Variants in STPG4 observed in about 807,000 individuals in gnomAD.
STPG4 encodes sperm-tail PG-rich repeat containing 4.
A neutral mutation model predicts 31.5 loss-of-function variants in STPG4; 41 were observed. The ratio of observed to expected loss-of-function variants is 1.30; its 90% CI spans 1.01 to 1.69. STPG4 has a LOEUF of 1.69. STPG4 is among the 40% of genes most tolerant of loss of function. STPG4 has a pLI of 0.00. For missense variants in STPG4, 375 were observed against 293.4 expected, an observed-to-expected ratio of 1.28 and a Z score of -2.03; for synonymous variants, 141 against 103.0, an observed-to-expected ratio of 1.37 and a Z score of -2.24.
intron 5 of STPG4, among the ~76,000 whole-genome samples, chr2:47,117,189 C>G (rs76801443): frequency 0.026 from 3,890 of 152,198 alleles, 175 homozygotes; most frequent in African/African-American, 0.089. Context: ...GCTGTTGGAA[C>G]AAAGAAGATG....
intron 5 of STPG4, chr2:47,121,248 G>C (rs1686267922): frequency 6.5e-6 from 1 of 154,088 alleles, no homozygotes; most frequent in South Asian, 2.0e-4. Context: ...ATCCCTACAG[G>C]AGACAGGGAG....
At chr2:47,130,083 A>G in intron 4 of STPG4, 88 bp from the exon 5 acceptor site, 4 of 1,481,974 alleles carry the variant, frequency 2.7e-6, no homozygotes, top group Non-Finnish European at 3.7e-6. Flanking sequence ...TTCATTAAAT[A>G]TTTTAAAATG....
intron 3 of STPG4, among the ~76,000 whole-genome samples, chr2:47,140,408 A>G (rs1211398677): frequency 1.3e-5 from 2 of 152,156 alleles, no homozygotes; most frequent in South Asian, 2.1e-4. Flanking sequence ...ACCTCAAAAC[A>G]CGTGAGGCAC....
chr2:47,111,459 G>T (rs1419063795), intron 5 of STPG4, among the ~76,000 whole-genome samples: 1 of 152,170 alleles, frequency 6.6e-6, no homozygotes, highest in Non-Finnish European at 1.5e-5. Context: ...CAATTAAAGG[G>T]GAGGAGTGAA....
rs1216104325 is a variant in STPG4 at position 47,135,053 on chromosome 2, A to T, written c.400-4793T>A. ...AATTGTTTAATTGAGTTGTTTTCTT[A>T]TTGCTGGGTTTTCAGAGTTCTTTGT... On this transcript the variant is annotated intron_variant, in intron 3 of 6. Transcript: ENST00000445927. 2.6e-5 allele frequency among the ~76,000 whole-genome samples: 4 copies of T among 152,056 alleles called. No individual in the cohort carries two copies. The South Asian group carries it at 8.3e-4, about 31-fold the overall frequency.
At chr2:47,118,983 G>A (rs1558679256) in intron 5 of STPG4, among the ~76,000 whole-genome samples, 1 of 152,170 alleles carries the variant, frequency 6.6e-6, no homozygotes, top group Admixed American at 6.5e-5. Flanking sequence ...TCAACCAAAT[G>A]AGTTTTCGTA....
intron 3 of STPG4, among the ~76,000 whole-genome samples, chr2:47,135,406 A>T (rs1246450555): frequency 6.6e-6 from 1 of 151,956 alleles, no homozygotes; most frequent in Non-Finnish European, 1.5e-5. Flanking sequence ...TTTATTTTGG[A>T]GGAAGAGTCT....
intron 3 of STPG4, among the ~76,000 whole-genome samples, chr2:47,150,870 C>G (rs1270720569): frequency 6.6e-6 from 1 of 151,974 alleles, no homozygotes; most frequent in African/African-American, 2.4e-5. Context: ...TATATTTATG[C>G]TCTAATAAGG....
chr2:47,129,883 G>A (rs373804928), intron 5 of STPG4, 58 bp downstream of exon 5: 1 of 1,594,662 alleles, frequency 6.3e-7, no homozygotes, highest in Admixed American at 1.8e-5. Flanking sequence ...ACTCCAGAAA[G>A]CACAGCGTAT....
chr2:47,114,336 C>G (rs1196514600), intron 5 of STPG4, among the ~76,000 whole-genome samples: 1 of 151,918 alleles, frequency 6.6e-6, no homozygotes, highest in Non-Finnish European at 1.5e-5. Context: ...GAAATCCCAT[C>G]TCTACTGAAA....
At chr2:47,133,126 T>C (rs1686521316) in intron 3 of STPG4, among the ~76,000 whole-genome samples, 2 of 152,172 alleles carry the variant, frequency 1.3e-5, no homozygotes, top group African/African-American at 2.4e-5. Context: ...TAATGGTATA[T>C]ATATGTGCAT....
chr2:47,097,744 T>TA (rs1386801086), intron 5 of STPG4, among the ~76,000 whole-genome samples: 1 of 152,184 alleles, frequency 6.6e-6, no homozygotes, highest in Admixed American at 6.5e-5. Flanking sequence ...GGTATTTTGT[T>TA]ACAGCAGCAG....
chr2:47,128,599 G>C (rs1686409655), intron 5 of STPG4, among the ~76,000 whole-genome samples: 1 of 152,052 alleles, frequency 6.6e-6, no homozygotes. Context: ...AGCAAGTACT[G>C]CCTGGATACC....
intron 3 of STPG4, among the ~76,000 whole-genome samples, chr2:47,132,026 G>T (rs937460362): frequency 2.0e-5 from 3 of 152,102 alleles, no homozygotes; most frequent in Non-Finnish European, 4.4e-5. Flanking sequence ...TTAGCCAGGC[G>T]TGGTGGTGGG....
intron 5 of STPG4, among the ~76,000 whole-genome samples, chr2:47,104,412 C>T (rs1685860718): frequency 6.6e-6 from 1 of 152,002 alleles, no homozygotes; most frequent in Non-Finnish European, 1.5e-5. Flanking sequence ...ATCTTAGACT[C>T]ATTAATGAGG....
chr2:47,098,641 C>CTA (rs889909244), intron 5 of STPG4, among the ~76,000 whole-genome samples: 1 of 151,828 alleles, frequency 6.6e-6, no homozygotes, highest in East Asian at 1.9e-4. Flanking sequence ...CCCCAAATAT[C>CTA]TATATATATC....
chr2:47,121,004 G>C (rs1558679906), intron 5 of STPG4: 3 of 152,620 alleles, frequency 2.0e-5, no homozygotes. Flanking sequence ...TGGAGGAATA[G>C]TAGCTGACCT....
At chr2:47,142,294 C>T (rs1686730628) in intron 3 of STPG4, among the ~76,000 whole-genome samples, 1 of 151,730 alleles carries the variant, frequency 6.6e-6, no homozygotes, top group Admixed American at 6.6e-5. Flanking sequence ...GATACAGGGG[C>T]AGGGAGGGAA....
At chr2:47,130,388 G>A in intron 3 of STPG4, 128 bp from the exon 4 acceptor site, 1 of 711,434 alleles carries the variant, frequency 1.4e-6, no homozygotes, top group Non-Finnish European at 2.3e-6. Flanking sequence ...CTTTAATAGT[G>A]GAAAAGGAAA....
Sources: gnomAD v4.1 joint callset for allele counts (sites outside exome capture counted in the v4.1 genomes callset) on GRCh38, gnomAD v4.1.1 for gene constraint, MANE v1.5 for transcripts, NCBI Gene and HGNC (gene_info 2026-07-23, HGNC 2026-07-21) for gene names.